KIAA1217: variants seen among roughly 807,000 people sequenced by gnomAD.
The protein encoded by KIAA1217 is sickle tail protein homolog.
KIAA1217 carries 88 observed loss-of-function variants against 163.9 expected under a neutral mutation model. That is an observed-to-expected ratio of 0.54 (90% CI 0.45 to 0.64). The LOEUF (loss-of-function observed/expected upper bound fraction) is 0.64, where lower values mean the gene tolerates loss of function less well. KIAA1217 is among the 30% of genes least tolerant of loss of function. KIAA1217 has a pLI of 0.00. For synonymous variants in KIAA1217, 903 were observed against 923.1 expected (o/e 0.98, Z 0.39); for missense variants, 2,372 against 2,475.0 (o/e 0.96, Z 0.88).
chr10:24,088,744 G>A (rs55646383), intron 2 of KIAA1217, among the ~76,000 whole-genome samples: 4,109 of 123,682 alleles, frequency 0.033, 1,216 homozygotes, highest in Middle Eastern at 0.12. Context: ...TGAATAGTCC[G>A]CATTAAACAT....
At chr10:23,889,305 G>A (rs570791790) in intron 1 of KIAA1217, among the ~76,000 whole-genome samples, 13 of 151,902 alleles carry the variant, frequency 8.6e-5, no homozygotes, top group South Asian at 2.1e-4. Context: ...CTCTTCATCC[G>A]TGGTTGGGAT....
At chr10:24,099,859 C>T (rs183120991) in intron 2 of KIAA1217, among the ~76,000 whole-genome samples, 6 of 150,780 alleles carry the variant, frequency 4.0e-5, no homozygotes, top group East Asian at 2.0e-4. Flanking sequence ...TTTGTCCTTG[C>T]GACACTGCAG....
chr10:24,115,604 G>C (rs1247173987), intron 2 of KIAA1217, among the ~76,000 whole-genome samples: 1 of 152,214 alleles, frequency 6.6e-6, no homozygotes, highest in African/African-American at 2.4e-5. Flanking sequence ...CTTACTCACT[G>C]AGAGCAGAGA....
chr10:24,494,633 AT>A (rs2066547340), intron 7 of KIAA1217, 29 bp downstream of exon 7: 2 of 1,389,096 alleles, frequency 1.4e-6, no homozygotes, highest in South Asian at 1.2e-5. Context: ...AATGAAAAAA[AT>A]AATTCAATCT....
intron 2 of KIAA1217, among the ~76,000 whole-genome samples, chr10:24,103,466 C>G (rs533902234): frequency 4.5e-4 from 69 of 152,162 alleles, no homozygotes; most frequent in African/African-American, 1.6e-3. Context: ...GAAGGCAAGC[C>G]AATAACTGGG....
intron 1 of KIAA1217, among the ~76,000 whole-genome samples, chr10:23,763,075 A>G (rs1834342517): frequency 6.6e-6 from 1 of 152,206 alleles, no homozygotes; most frequent in Non-Finnish European, 1.5e-5. Context: ...GGACCTATTC[A>G]AGGAGAACTA....
intron 2 of KIAA1217, among the ~76,000 whole-genome samples, chr10:24,135,158 A>G (rs12251228): frequency 0.027 from 4,140 of 152,270 alleles, 202 homozygotes; most frequent in African/African-American, 0.094. Context: ...ATAATAAAAC[A>G]ATCCACACAC....
At chr10:24,017,127 A>G (rs1589239100) in intron 2 of KIAA1217, among the ~76,000 whole-genome samples, 2 of 150,244 alleles carry the variant, frequency 1.3e-5, no homozygotes, top group East Asian at 4.0e-4. Flanking sequence ...AGCATAGGTC[A>G]CTACAGCCTT....
At chr10:23,704,130 ATGTATGTGTGTG>A (rs1481977884) in intron 1 of KIAA1217, among the ~76,000 whole-genome samples, 1 of 104,482 alleles carries the variant, frequency 9.6e-6, no homozygotes, top group African/African-American at 4.1e-5. Flanking sequence ...ACATATATGC[ATGTATGTGTGTG>A]TGTATGTGTG....
intron 1 of KIAA1217, among the ~76,000 whole-genome samples, chr10:23,829,928 C>T (rs1838096460): frequency 6.6e-6 from 1 of 152,162 alleles, no homozygotes; most frequent in African/African-American, 2.4e-5. Context: ...AATGGTAGGG[C>T]TTACTAGCGG....
chr10:24,544,385 C>T lies in KIAA1217; in HGVS notation c.5115C>T (p.His1705=), dbSNP rs150852808. ...GAGATTCTGTTGCAAGTTCATCCCA[C>T]ATAGCCCAAGAGGCCTCTCCCCGAC... ...SNRDSVASSS[H]IAQEASPRPL... Residue 1705 remains histidine (H), a synonymous_variant, in exon 19 of 21, where the codon CAC becomes CAT. Coordinates refer to ENST00000376454, the MANE Select transcript of KIAA1217 (RefSeq NM_019590.5). 14 of 1,614,130 alleles carry T rather than the reference C, an allele frequency of 8.7e-6. No individual in the cohort carries two copies. Among genetic ancestry groups the T allele is most frequent in the Non-Finnish European group, 1.2e-5 (14 of 1,180,016 alleles).
Position 23,738,393 on chromosome 10 carries a change from A to G in KIAA1217, c.-321+43159A>G, listed in dbSNP as rs1838926202. ...TTTCTTTCGAAGGTTTGGCATTTAA[A>G]TATGTCATTGCCTTATGTGTATTTT... On this transcript the variant is annotated intron_variant, in intron 1 of 18. Transcript: ENST00000376462. Among the ~76,000 whole-genome samples, 7 of 152,136 alleles carry G rather than the reference A, an allele frequency of 4.6e-5. No individual in the cohort carries two copies. In the South Asian group the frequency reaches 1.5e-3, roughly 32 times the overall value.
chr10:24,171,726 G>A (rs896382233), intron 2 of KIAA1217, among the ~76,000 whole-genome samples: 1 of 152,118 alleles, frequency 6.6e-6, no homozygotes, highest in Admixed American at 6.5e-5. Flanking sequence ...GGCGGAGGTT[G>A]CAGTAAGCTA....
chr10:24,222,064 T>A (rs997930689), intron 2 of KIAA1217, among the ~76,000 whole-genome samples: 3 of 152,254 alleles, frequency 2.0e-5, no homozygotes, highest in African/African-American at 7.2e-5. Flanking sequence ...AAAATAATGA[T>A]TATTGTTACT....
intron 2 of KIAA1217, among the ~76,000 whole-genome samples, chr10:24,224,983 C>A: frequency 6.6e-6 from 1 of 151,968 alleles, no homozygotes; most frequent in East Asian, 1.9e-4. Context: ...CCCACCACCA[C>A]GCCTAGCTAA....
At chr10:24,515,794 G>A (rs2134357523) in intron 10 of KIAA1217, among the ~76,000 whole-genome samples, 1 of 152,300 alleles carries the variant, frequency 6.6e-6, no homozygotes, top group South Asian at 2.1e-4. Flanking sequence ...TTGTTAGGCT[G>A]GGCACAATGG....
intron 5 of KIAA1217, among the ~76,000 whole-genome samples, chr10:24,463,429 C>T (rs1011508168): frequency 6.6e-6 from 1 of 152,206 alleles, no homozygotes; most frequent in Non-Finnish European, 1.5e-5. Context: ...ATAATTTTGG[C>T]AGCAGTCTGT....
At chr10:24,262,502 C>G (rs1047084850) in intron 2 of KIAA1217, among the ~76,000 whole-genome samples, 2 of 152,024 alleles carry the variant, frequency 1.3e-5, no homozygotes, top group Non-Finnish European at 2.9e-5. Context: ...TGGCGGGCAA[C>G]TGTAATCCCA....
chr10:24,222,708 C>A (rs924627341), intron 2 of KIAA1217, among the ~76,000 whole-genome samples: 3 of 152,248 alleles, frequency 2.0e-5, no homozygotes, highest in Non-Finnish European at 4.4e-5. Context: ...CGGTGTTTTA[C>A]CATGTTGGCC....
Sources: allele counts gnomAD v4.1 joint callset (sites outside exome capture counted in the v4.1 genomes callset), GRCh38; gene constraint gnomAD v4.1.1; transcripts MANE v1.5; gene names NCBI Gene and HGNC (gene_info 2026-07-23, HGNC 2026-07-21).